CAPN3: variants seen among roughly 807,000 people sequenced by gnomAD.
The protein encoded by CAPN3 is calpain-3.
In CAPN3, 88 loss-of-function variants were observed where a neutral mutation model predicts 114.0. The ratio of observed to expected loss-of-function variants is 0.77; its 90% CI spans 0.65 to 0.92. The LOEUF (loss-of-function observed/expected upper bound fraction) is 0.92, where lower values mean the gene tolerates loss of function less well. Ranked by LOEUF, CAPN3 falls within the 40% of genes least tolerant of loss-of-function variation. CAPN3 has a pLI of 0.00. For synonymous variants in CAPN3, 386 were observed against 382.9 expected (o/e 1.01, Z -0.09); for missense variants, 1,028 against 1,069.0 (o/e 0.96, Z 0.53).
intron 1 of CAPN3, among the ~76,000 whole-genome samples, chr15:42,381,706 AT>A (rs1436017499): frequency 1.3e-5 from 2 of 152,008 alleles, no homozygotes; most frequent in Non-Finnish European, 1.5e-5. Flanking sequence ...TGCCTGGCTA[AT>A]TTTTGTATTT....
At chr15:42,407,695 A>G (rs1238218659) in intron 15 of CAPN3, among the ~76,000 whole-genome samples, 1 of 152,154 alleles carries the variant, frequency 6.6e-6, no homozygotes, top group Non-Finnish European at 1.5e-5. Flanking sequence ...TGGCTCACCC[A>G]CTGACCATGC....
rs2141199686 is a variant in CAPN3 at position 42,401,742 on chromosome 15, C to T, written c.1456C>T (p.Gln486Ter). Residue 486 changes from glutamine to a stop codon, truncating the protein, a stop_gained, in exon 11 of 24, where the codon CAG becomes TAG. Coordinates refer to ENST00000397163, the MANE Select transcript of CAPN3 (RefSeq NM_000070.3). LOFTEE classifies it high-confidence loss of function. Reference sequence around the variant, plus strand: ...TTGCAGCTTCCTGGTGGCCCTGATGCAGAAGAACCGGCGGAAGGACCGGAA... The same window carrying T: ...TTGCAGCTTCCTGGTGGCCCTGATGTAGAAGAACCGGCGGAAGGACCGGAA... ...VICSFLVALM[Q>*]KNRRKDRKLG... The T allele has an allele frequency of 6.2e-7, 1 of 1,614,022 alleles. No homozygotes were observed. The highest frequency in any genetic ancestry group is 8.5e-7 in the Non-Finnish European group (1 of 1,179,962).
At position 42,392,561 on chromosome 15, in the gene CAPN3, C is replaced by A. The variant is rs2053585154; in HGVS notation, c.946-78C>A. On this transcript the variant is annotated intron_variant, in intron 6 of 23. Transcript: ENST00000397163. ...GTCTTCACAGAGCCCGGAAAATGAA[C>A]TAGTATGAACTTTGCCTCCAAGCAG... 4 of 1,084,432 alleles carry A rather than the reference C, an allele frequency of 3.7e-6. No homozygotes were observed. The South Asian group carries it at 5.2e-5, about 14-fold the overall frequency. The allele number at this position is 1,084,432 out of a possible 1,614,324, so 67.2% of individuals were successfully genotyped here.
chr15:42,393,574 G>C (rs1290357099), intron 7 of CAPN3, among the ~76,000 whole-genome samples: 4 of 147,918 alleles, frequency 2.7e-5, no homozygotes, highest in Admixed American at 6.8e-5. Context: ...GTCAGCAGGG[G>C]CCTTTTGTCT....
intron 16 of CAPN3, 151 bp downstream of exon 16, chr15:42,408,475 T>G: frequency 1.6e-6 from 1 of 642,454 alleles, no homozygotes; most frequent in Non-Finnish European, 2.9e-6. Context: ...TTTCAGCAAG[T>G]TCCCCTGAAA....
At chr15:42,363,531 A>G (rs2052702663) in intron 1 of CAPN3, among the ~76,000 whole-genome samples, 2 of 152,148 alleles carry the variant, frequency 1.3e-5, no homozygotes, top group Non-Finnish European at 2.9e-5. Flanking sequence ...TGTAAAGCCC[A>G]GTTCTTGGCT....
At chr15:42,375,520 C>G (rs772334182) in intron 1 of CAPN3, among the ~76,000 whole-genome samples, 16 of 151,926 alleles carry the variant, frequency 1.1e-4, no homozygotes, top group Non-Finnish European at 2.1e-4. Flanking sequence ...AAAAAGGGTT[C>G]ACTGCATTTA....
rs146845466 is a variant in CAPN3, at chr15:42,402,935, A to G, written c.1678A>G (p.Thr560Ala). The change falls in exon 13 of 24, where the codon ACC becomes GCC. Residue 560 changes from threonine to alanine, a missense_variant. Thr to Ala is a moderately conservative substitution (Grantham distance 58). Transcript: ENST00000397163. ...CAGCGAGTACGTCATCGTGCCCTCC[A>G]CCTACGAGCCCCACCAGGAGGGGGA... ...PPSEYVIVPS[T>A]YEPHQEGEFI... The G allele has an allele frequency of 2.1e-5, 34 of 1,614,058 alleles. No individual in the cohort carries two copies. Among genetic ancestry groups the G allele is most frequent in the Non-Finnish European group, 2.7e-5 (32 of 1,179,976 alleles).
chr15:42,367,225 G>A (rs2052811951), intron 1 of CAPN3, among the ~76,000 whole-genome samples: 1 of 152,158 alleles, frequency 6.6e-6, no homozygotes, highest in East Asian at 1.9e-4. Flanking sequence ...ACACAAGCAG[G>A]GGTGAGCCAA....
chr15:42,367,240 C>CA (rs1408336512), intron 1 of CAPN3, among the ~76,000 whole-genome samples: 1 of 152,086 alleles, frequency 6.6e-6, no homozygotes, highest in East Asian at 1.9e-4. Context: ...AGCCAACACT[C>CA]AGAGTGTGGA....
At position 42,412,034 on chromosome 15, in the gene CAPN3, G is replaced by T; in HGVS notation, c.*261G>T. Reference sequence around the variant, plus strand: ...CATGTGGAGGAAAGTGCCTGCCTCTGGTCCGAGCCGCCTCGGTTCTGAAGC... The same window carrying T: ...CATGTGGAGGAAAGTGCCTGCCTCTTGTCCGAGCCGCCTCGGTTCTGAAGC... On this transcript the variant is annotated 3_prime_UTR_variant, in exon 24 of 24. Coordinates refer to ENST00000397163, the MANE Select transcript of CAPN3 (RefSeq NM_000070.3). 6.6e-7 allele frequency: 1 copy of T among 1,515,514 alleles called. No individual in the cohort carries two copies. The highest frequency in any genetic ancestry group is 8.8e-7 in the Non-Finnish European group (1 of 1,136,632). 93.9% of individuals were successfully genotyped at this position (1,515,514 alleles called of 1,614,324 possible).
Position 42,397,647 on chromosome 15 carries a change from A to G in CAPN3, c.1193+770A>G, listed in dbSNP as rs1006888392. Among the ~76,000 whole-genome samples, 13 of 151,952 alleles carry G rather than the reference A, an allele frequency of 8.6e-5. No homozygotes were observed. The East Asian group carries it at 1.9e-3, about 23-fold the overall frequency. Reference sequence around the variant, plus strand: ...CGACAAGAGAGACTCTGTCTTGGAAAAAAAAAAAAAAATGTTGTCTTAGTA... The same window carrying G: ...CGACAAGAGAGACTCTGTCTTGGAAGAAAAAAAAAAAATGTTGTCTTAGTA... On this transcript the variant is annotated intron_variant, in intron 9 of 23. Coordinates refer to ENST00000397163, the MANE Select transcript of CAPN3 (RefSeq NM_000070.3).
chr15:42,409,655 C>T (rs1206902776), intron 17 of CAPN3, 132 bp from the exon 18 acceptor site: 1 of 934,744 alleles, frequency 1.1e-6, no homozygotes, highest in Non-Finnish European at 1.8e-6. Flanking sequence ...CAGAAAAGCC[C>T]CAGCTTCCCA....
intron 2 of CAPN3, among the ~76,000 whole-genome samples, chr15:42,385,312 G>A (rs1296813926): frequency 6.6e-6 from 1 of 152,116 alleles, no homozygotes; most frequent in Non-Finnish European, 1.5e-5. Flanking sequence ...CTGAGGGAAG[G>A]CTTCCTGCAG....
rs1801505 is a variant in CAPN3 at position 42,384,492 on chromosome 15, G to A, written c.319G>A (p.Glu107Lys). The A allele has an allele frequency of 8.5e-3, 13,789 of 1,613,074 alleles. 93 individuals are homozygous for A. The highest frequency in any genetic ancestry group is 9.8e-3 in the Non-Finnish European group (11,603 of 1,179,102). ...FVWKRPPEIC[E>K]NPRFIIDGAN... ...CCTTTTTGTTTCACAGGAAATTTGC[G>A]AGAATCCCCGATTTATCATTGATGG... The change falls in exon 2 of 24, where the codon GAG becomes AAG. Residue 107 changes from glutamate (E) to lysine (K), a missense_variant. Physicochemically the swap from Glu to Lys is moderately conservative, Grantham distance 56 (BLOSUM62 1). Transcript: ENST00000397163.
At chr15:42,384,578 C>T in intron 2 of CAPN3, 26 bp downstream of exon 2, 1 of 1,529,858 alleles carries the variant, frequency 6.5e-7, no homozygotes, top group Non-Finnish European at 9.1e-7. Flanking sequence ...AGGTCAGATC[C>T]TGCCAGATGA....
chr15:42,371,420 A>G (rs2052944248), intron 1 of CAPN3, among the ~76,000 whole-genome samples: 1 of 152,208 alleles, frequency 6.6e-6, no homozygotes, highest in African/African-American at 2.4e-5. Context: ...GAAATACAAG[A>G]AAAGATGCAT....
At chr15:42,402,069 A>G in intron 11 of CAPN3, 55 bp from the exon 12 acceptor site, 1 of 1,611,996 alleles carries the variant, frequency 6.2e-7, no homozygotes, top group Admixed American at 1.7e-5. Flanking sequence ...TGCCTTCCGC[A>G]GGCTCCTCAT....
In CAPN3 at chr15:42,359,877, TCACCCGGCC is replaced by T. The variant is rs1555417278; in HGVS notation, c.75_83del (p.His25_Ala27del). 1.9e-6 allele frequency: 3 copies of T among 1,614,074 alleles called. No homozygotes were observed. Among genetic ancestry groups the T allele is most frequent in the Non-Finnish European group, 2.5e-6 (3 of 1,180,036 alleles). ...AGCCCCGGTCCCCAGGGCCAGTTCC[TCACCCGGCC>T]CAGAGCAAGGCCACTGAGGCTGGGG... On this transcript the variant is annotated inframe_deletion, in exon 1 of 24. Transcript: ENST00000397163.
Sources: gnomAD v4.1 joint callset for allele counts (sites outside exome capture counted in the v4.1 genomes callset) on GRCh38, gnomAD v4.1.1 for gene constraint, MANE v1.5 for transcripts, NCBI Gene and HGNC (gene_info 2026-07-23, HGNC 2026-07-21) for gene names.